SLC15A5: variants seen among roughly 807,000 people sequenced by gnomAD.
SLC15A5 encodes solute carrier family 15 member 5, also known as Peptide/histidine transporter ENSP00000340402.
Under a neutral mutation model 56.1 loss-of-function variants are expected in SLC15A5, and 58 were observed. The observed-to-expected ratio is 1.03, with a 90% confidence interval of 0.84 to 1.29. The LOEUF is 1.29. Among genes scored for constraint, SLC15A5 ranks in the 50% most tolerant of loss-of-function variants. The pLI is 0.00. For synonymous variants in SLC15A5, 264 were observed against 250.5 expected, an observed-to-expected ratio of 1.05 and a Z score of -0.51; for missense variants, 681 against 672.1, an observed-to-expected ratio of 1.01 and a Z score of -0.15.
intron 8 of SLC15A5, among the ~76,000 whole-genome samples, chr12:16,190,994 G>A (rs1283780661): frequency 2.6e-5 from 4 of 152,048 alleles, no homozygotes; most frequent in Non-Finnish European, 4.4e-5. Context: ...TTTTATTTTA[G>A]CACCAAATGT....
intron 2 of SLC15A5, among the ~76,000 whole-genome samples, chr12:16,259,740 C>A (rs1864621408): frequency 6.6e-6 from 1 of 152,084 alleles, no homozygotes; most frequent in Non-Finnish European, 1.5e-5. Flanking sequence ...TCCTCCATCA[C>A]ACAGGAGAGT....
intron 6 of SLC15A5, among the ~76,000 whole-genome samples, chr12:16,222,182 AC>A (rs1483401836): frequency 6.6e-6 from 1 of 152,156 alleles, no homozygotes; most frequent in Non-Finnish European, 1.5e-5. Context: ...AAAATCTTCC[AC>A]TTAGTCCTTT....
At chr12:16,249,285 A>T (rs1230899976) in intron 3 of SLC15A5, among the ~76,000 whole-genome samples, 4 of 152,090 alleles carry the variant, frequency 2.6e-5, no homozygotes, top group Non-Finnish European at 5.9e-5. Context: ...GCATATAAAA[A>T]ATCATTTCTT....
At chr12:16,229,715 A>G (rs1591649137) in intron 5 of SLC15A5, among the ~76,000 whole-genome samples, 1 of 151,742 alleles carries the variant, frequency 6.6e-6, no homozygotes, top group African/African-American at 2.4e-5. Flanking sequence ...CACGTTTAAT[A>G]TTTTTAATAT....
chr12:16,230,321 C>T (rs1473217223), intron 5 of SLC15A5, among the ~76,000 whole-genome samples: 2 of 152,108 alleles, frequency 1.3e-5, no homozygotes, highest in Admixed American at 6.5e-5. Flanking sequence ...TAAGTTTCAA[C>T]AACCCACTGT....
intron 7 of SLC15A5, among the ~76,000 whole-genome samples, chr12:16,203,380 C>T (rs894915310): frequency 1.3e-5 from 2 of 151,902 alleles, no homozygotes; most frequent in African/African-American, 4.8e-5. Context: ...ATCATAATTG[C>T]CAACAAGTAT....
chr12:16,269,422 C>CAA lies in SLC15A5; in HGVS notation c.584+3138_584+3139insTT, dbSNP rs1220618459. ...AATCAGAATCTTTGGTGGCAGGACC[C>CAA]AGGCATTTGTACTTTTTAAAAAAGA... is the stretch of plus-strand genomic sequence containing the variant. On this transcript the variant is annotated intron_variant, in intron 2 of 8. Transcript: ENST00000344941. The surrounding 1 kb of genome is among the most constrained non-coding windows in gnomAD (Gnocchi z 4.7). Among the ~76,000 whole-genome samples the CAA allele has an allele frequency of 6.6e-6, 1 of 152,090 alleles. No homozygotes were observed. Among genetic ancestry groups the CAA allele is most frequent in the Non-Finnish European group, 1.5e-5 (1 of 68,022 alleles).
At chr12:16,204,429 CTG>C (rs1305154224) in intron 7 of SLC15A5, among the ~76,000 whole-genome samples, 1 of 127,026 alleles carries the variant, frequency 7.9e-6, no homozygotes, top group Non-Finnish European at 1.7e-5. Flanking sequence ...GAGCGAGACA[CTG>C]TCTCAAAAAA....
chr12:16,194,334 C>A lies in SLC15A5; in HGVS notation c.1592+11G>T, dbSNP rs1863873582. On this transcript the variant is annotated intron_variant, in intron 8 of 8. Transcript: ENST00000344941. ...CTCAGAAATTTTTCATCTTACCACACACTTACTTACCTTTGTGAAACACTG... is the reference window on the plus strand; with the variant it reads ...CTCAGAAATTTTTCATCTTACCACAAACTTACTTACCTTTGTGAAACACTG... 2 of 1,506,216 alleles carry A rather than the reference C, an allele frequency of 1.3e-6. No individual in the cohort carries two copies. The highest frequency in any genetic ancestry group is 2.5e-5 in the South Asian group (2 of 81,494). The allele number at this position is 1,506,216 out of a possible 1,614,324, so 93.3% of individuals were successfully genotyped here.
At chr12:16,230,703 G>A (rs1399086549) in intron 5 of SLC15A5, among the ~76,000 whole-genome samples, 5 of 150,902 alleles carry the variant, frequency 3.3e-5, no homozygotes, top group African/African-American at 4.9e-5. Context: ...CACGAGGTCA[G>A]GAGATCGAGA....
chr12:16,234,868 A>G (rs1029543268), intron 5 of SLC15A5, among the ~76,000 whole-genome samples: 4 of 152,174 alleles, frequency 2.6e-5, no homozygotes, highest in African/African-American at 7.2e-5. Flanking sequence ...AGGTATTGGT[A>G]TAAGATTCTT....
chr12:16,256,868 A>AAT (rs1555173294), intron 3 of SLC15A5, among the ~76,000 whole-genome samples: 59 of 147,942 alleles, frequency 4.0e-4, no homozygotes, highest in African/African-American at 1.4e-3. Context: ...CAAAAAAAAA[A>AAT]AATAATAATA....
rs1863816503 is a variant in SLC15A5, at chr12:16,189,216, TTA to T, written c.*450_*451del. ...ATGTATATGTTTATTATTTACTCAGTTATATACAGTATATGGTCACAATGTAA... is the reference window on the plus strand; with the variant it reads ...ATGTATATGTTTATTATTTACTCAGTTATACAGTATATGGTCACAATGTAA... On this transcript the variant is annotated 3_prime_UTR_variant, in exon 9 of 9. Coordinates refer to ENST00000344941, the MANE Select transcript of SLC15A5 (RefSeq NM_001170798.1). 6.6e-6 allele frequency: 1 copy of T among 152,270 alleles called. No homozygotes were observed. The highest frequency in any genetic ancestry group is 1.5e-5 in the Non-Finnish European group (1 of 68,114). The allele number at this position is 152,270 out of a possible 1,614,324, so 9.4% of individuals were successfully genotyped here.
intron 7 of SLC15A5, among the ~76,000 whole-genome samples, chr12:16,203,617 AAT>A (rs1428655278): frequency 6.6e-6 from 1 of 152,170 alleles, no homozygotes. Context: ...TAATCCTACA[AAT>A]ATACTTAATA....
chr12:16,229,929 G>A (rs1042403624), intron 5 of SLC15A5, among the ~76,000 whole-genome samples: 2 of 152,128 alleles, frequency 1.3e-5, no homozygotes, highest in Non-Finnish European at 2.9e-5. Flanking sequence ...TTTACAAATT[G>A]CTTAAGAAGT....
intron 1 of SLC15A5, 42 bp downstream of exon 1, chr12:16,277,283 T>C (rs1437751071): frequency 6.9e-7 from 1 of 1,441,364 alleles, no homozygotes; most frequent in African/African-American, 1.4e-5. Flanking sequence ...AAAATCTACT[T>C]AATTAAGTCA....
intron 2 of SLC15A5, among the ~76,000 whole-genome samples, chr12:16,258,105 C>T (rs1864596087): frequency 6.6e-6 from 1 of 152,114 alleles, no homozygotes; most frequent in African/African-American, 2.4e-5. Flanking sequence ...AGAAGGCGCT[C>T]TCTTTCATCT....
chr12:16,220,822 A>AT (rs1444437161), intron 6 of SLC15A5, among the ~76,000 whole-genome samples: 2 of 151,784 alleles, frequency 1.3e-5, no homozygotes, highest in Admixed American at 6.6e-5. Flanking sequence ...TTTTTGTCTT[A>AT]TTTTTTTTAA....
At chr12:16,202,096 G>A (rs1054855858) in intron 7 of SLC15A5, among the ~76,000 whole-genome samples, 6 of 152,096 alleles carry the variant, frequency 3.9e-5, no homozygotes, top group African/African-American at 7.2e-5. Context: ...AGGAAAAATA[G>A]ACAAATGAGA....
Sources: gnomAD v4.1 joint callset for allele counts (sites outside exome capture counted in the v4.1 genomes callset) on GRCh38, gnomAD v4.1.1 for gene constraint, Gnocchi (gnomAD v3.1) non-coding constraint, MANE v1.5 for transcripts, NCBI Gene and HGNC (gene_info 2026-07-23, HGNC 2026-07-21) for gene names.